The following WBP1L variants were observed in gnomAD, a reference collection of about 807,000 sequenced individuals.
WBP1L encodes WW domain binding protein 1 like.
A neutral mutation model predicts 33.7 loss-of-function variants in WBP1L; 17 were observed. The ratio of observed to expected loss-of-function variants is 0.50; its 90% CI spans 0.34 to 0.76. WBP1L has a LOEUF of 0.76. Ranked by LOEUF, WBP1L falls within the 30% of genes least tolerant of loss-of-function variation. The pLI, the probability that WBP1L is intolerant of heterozygous loss-of-function variation, is 0.01. For synonymous variants in WBP1L, 173 were observed against 190.8 expected, an observed-to-expected ratio of 0.91 and a Z score of 0.77; for missense variants, 389 against 469.4, an observed-to-expected ratio of 0.83 and a Z score of 1.58.
At chr10:102,751,235 C>T (rs1294191082) in intron 1 of WBP1L, among the ~76,000 whole-genome samples, 2 of 152,076 alleles carry the variant, frequency 1.3e-5, no homozygotes, top group Non-Finnish European at 2.9e-5. Flanking sequence ...CTCCTGACCT[C>T]AGGCGATCTG....
At chr10:102,767,699 C>G (rs1421375303) in intron 1 of WBP1L, among the ~76,000 whole-genome samples, 1 of 152,124 alleles carries the variant, frequency 6.6e-6, no homozygotes, top group African/African-American at 2.4e-5. Context: ...CCACCTCCCC[C>G]AACCTCTGCA....
At chr10:102,795,759 G>A (rs775537501) in intron 1 of WBP1L, among the ~76,000 whole-genome samples, 69 of 152,330 alleles carry the variant, frequency 4.5e-4, no homozygotes, top group South Asian at 2.1e-4. Context: ...AGCCAGTGCC[G>A]GAAGAATGGC....
intron 1 of WBP1L, among the ~76,000 whole-genome samples, chr10:102,788,822 A>AG (rs1843457191): frequency 6.6e-6 from 1 of 152,228 alleles, no homozygotes; most frequent in South Asian, 2.1e-4. Context: ...TAAAGGCTCA[A>AG]GGTAAAGAAT....
intron 1 of WBP1L, among the ~76,000 whole-genome samples, chr10:102,792,479 CCTATCTA>C (rs1843513282): frequency 6.6e-6 from 1 of 152,172 alleles, no homozygotes; most frequent in Non-Finnish European, 1.5e-5. Context: ...ACCTAACTTT[CCTATCTA>C]CTACTTCTAC....
At chr10:102,795,554 C>T in intron 1 of WBP1L, among the ~76,000 whole-genome samples, 1 of 152,186 alleles carries the variant, frequency 6.6e-6, no homozygotes, top group East Asian at 1.9e-4. Flanking sequence ...CATGAGGATG[C>T]CACTTGTTTA....
intron 3 of WBP1L, among the ~76,000 whole-genome samples, chr10:102,810,611 G>GGCT (rs1177945829): frequency 1.1e-4 from 12 of 111,868 alleles, no homozygotes; most frequent in Non-Finnish European, 1.5e-4. Flanking sequence ...TTGTTGCCCA[G>GGCT]GCTGGAGTGC....
Position 102,813,259 on chromosome 10 carries a change from C to T in WBP1L, c.1020C>T (p.Pro340=), listed in dbSNP as rs1564772534. ...GGCACCCGCACCTGCCACGGCCGCC[C>T]GCATGCCTGCTGCTGAACACCATCA... ...EPGHPHLPRP[P]ACLLLNTINE... is the part of the protein sequence containing the mutation. Residue 340 remains proline (P), a synonymous_variant, in exon 4 of 4, where the codon CCC becomes CCT. Coordinates refer to ENST00000448841, the MANE Select transcript of WBP1L (RefSeq NM_001083913.2). 15 of 1,612,926 alleles carry T rather than the reference C, an allele frequency of 9.3e-6. No individual in the cohort carries two copies. Among genetic ancestry groups the T allele is most frequent in the African/African-American group, 2.7e-5 (2 of 74,874 alleles).
rs114536663 is a variant in WBP1L, at chr10:102,758,795, A to G, written c.90+14652A>G. Among the ~76,000 whole-genome samples, 360 of 152,282 alleles carry G rather than the reference A, an allele frequency of 2.4e-3. 3 individuals are homozygous for G. Among genetic ancestry groups the G allele is most frequent in the African/African-American group, 8.3e-3 (344 of 41,548 alleles). ...CAGGGTAAGGAGGGTCAGTCTTCTA[A>G]GTGGTTGACAAGGTGAAGCAGGTCA... On this transcript the variant is annotated intron_variant, in intron 1 of 3. Transcript: ENST00000448841.
chr10:102,809,517 G>T (rs550606340), intron 2 of WBP1L, among the ~76,000 whole-genome samples: 1 of 151,498 alleles, frequency 6.6e-6, no homozygotes, highest in African/African-American at 2.4e-5. Flanking sequence ...GATTACAGGC[G>T]CCTGCCACCA....
At chr10:102,802,113 C>CTCCTTCCTTCCT (rs35674135) in intron 2 of WBP1L, among the ~76,000 whole-genome samples, 740 of 67,940 alleles carry the variant, frequency 0.011, 8 homozygotes, top group Middle Eastern at 0.022. Flanking sequence ...CTTCCACCTT[C>CTCCTTCCTTCCT]TCCTTCCTTC....
rs569135962 is a variant in WBP1L at position 102,784,939 on chromosome 10, C to T, written c.91-13054C>T. On this transcript the variant is annotated intron_variant, in intron 1 of 3. Transcript: ENST00000448841. Reference sequence around the variant, plus strand: ...TTACCTGGGCTGGAGTGCAATGGCACGATCTCAGGTCACTGCAACCTCCGC... The same window carrying T: ...TTACCTGGGCTGGAGTGCAATGGCATGATCTCAGGTCACTGCAACCTCCGC... Among the ~76,000 whole-genome samples the T allele has an allele frequency of 8.6e-5, 13 of 150,388 alleles. No individual in the cohort carries two copies. In the East Asian group the frequency reaches 2.0e-3, roughly 23 times the overall value.
chr10:102,805,442 C>CTTT (rs35567690), intron 2 of WBP1L, among the ~76,000 whole-genome samples: 1 of 145,226 alleles, frequency 6.9e-6, no homozygotes, highest in Non-Finnish European at 1.5e-5. Context: ...TGCTGGCTAT[C>CTTT]TTTTTTTTTT....
intron 1 of WBP1L, among the ~76,000 whole-genome samples, chr10:102,773,585 G>A (rs930126402): frequency 6.6e-6 from 1 of 151,938 alleles, no homozygotes; most frequent in Admixed American, 6.6e-5. Context: ...CATCACTGAT[G>A]AATATTATTT....
chr10:102,770,756 T>C (rs1363705699), intron 1 of WBP1L, among the ~76,000 whole-genome samples: 2 of 152,200 alleles, frequency 1.3e-5, no homozygotes, highest in Non-Finnish European at 2.9e-5. Flanking sequence ...CCAGTGTGCA[T>C]GGCAGTCTCA....
At chr10:102,780,068 T>C (rs148421038) in intron 1 of WBP1L, among the ~76,000 whole-genome samples, 1 of 152,314 alleles carries the variant, frequency 6.6e-6, no homozygotes, top group African/African-American at 2.4e-5. Context: ...CTTTTATGGG[T>C]ACCAAGAAGG....
rs1230300612 is a variant in WBP1L at position 102,812,867 on chromosome 10, A to G, written c.628A>G (p.Thr210Ala). ...PSDLPVDRAA[T>A]KAPGMEPSGS... ...TGACCTACCAGTTGACCGAGCAGCCACCAAAGCCCCAGGGATGGAGCCCAG... is the reference window on the plus strand; with the variant it reads ...TGACCTACCAGTTGACCGAGCAGCCGCCAAAGCCCCAGGGATGGAGCCCAG... The change falls in exon 4 of 4, where the codon ACC (threonine) becomes GCC (alanine). Residue 210 changes from threonine to alanine, a missense_variant. By Grantham distance (58) the Thr-to-Ala change is moderately conservative (BLOSUM62 0). Transcript: ENST00000448841. 2 of 1,572,090 alleles carry G rather than the reference A, an allele frequency of 1.3e-6. No individual in the cohort carries two copies. Among genetic ancestry groups the G allele is most frequent in the African/African-American group, 2.7e-5 (2 of 73,862 alleles).
chr10:102,768,337 G>T (rs1408082174), intron 1 of WBP1L, among the ~76,000 whole-genome samples: 2 of 149,872 alleles, frequency 1.3e-5, no homozygotes, highest in African/African-American at 4.9e-5. Flanking sequence ...GCTTCCTAAA[G>T]TGCTTGAGCC....
chr10:102,782,911 G>A (rs1176879795), intron 1 of WBP1L, among the ~76,000 whole-genome samples: 2 of 152,168 alleles, frequency 1.3e-5, no homozygotes, highest in African/African-American at 2.4e-5. Context: ...GGAGGCCAGA[G>A]TATTTATTAT....
At chr10:102,783,365 T>C (rs1006566797) in intron 1 of WBP1L, among the ~76,000 whole-genome samples, 3 of 152,170 alleles carry the variant, frequency 2.0e-5, no homozygotes, top group African/African-American at 7.2e-5. Flanking sequence ...TTGTACCATG[T>C]AGCTAAGAGG....
Sources: allele counts gnomAD v4.1 joint callset (sites outside exome capture counted in the v4.1 genomes callset), GRCh38; gene constraint gnomAD v4.1.1; transcripts MANE v1.5; gene names NCBI Gene and HGNC (gene_info 2026-07-23, HGNC 2026-07-21).